The following ZNF737 variants were observed in gnomAD, a reference collection of about 807,000 sequenced individuals.
ZNF737 encodes zinc finger protein 102 (Y3).
In ZNF737, 13 loss-of-function variants were observed where a neutral mutation model predicts 11.7. That is an observed-to-expected ratio of 1.11 (90% CI 0.73 to 1.77). The LOEUF is 1.77. Among genes scored for constraint, ZNF737 ranks in the 40% most tolerant of loss-of-function variants. ZNF737 has a pLI of 0.00. For synonymous variants in ZNF737, 217 were observed against 216.2 expected, an observed-to-expected ratio of 1.00 and a Z score of -0.03; for missense variants, 636 against 638.0, an observed-to-expected ratio of 1.00 and a Z score of 0.03.
chr19:20,565,037 C>T (rs1969244421), intron 1 of ZNF737, among the ~76,000 whole-genome samples: 1 of 150,592 alleles, frequency 6.6e-6, no homozygotes, highest in Admixed American at 6.6e-5. Context: ...GGAGTTCAAG[C>T]GATTCTCTCA....
intron 1 of ZNF737, among the ~76,000 whole-genome samples, chr19:20,557,008 T>C (rs1476994487): frequency 6.6e-6 from 1 of 152,184 alleles, no homozygotes; most frequent in African/African-American, 2.4e-5. Context: ...TTTAAAATTG[T>C]ACAGAATAAA....
intron 1 of ZNF737, among the ~76,000 whole-genome samples, chr19:20,554,507 G>T (rs1433165937): frequency 2.6e-5 from 4 of 152,122 alleles, no homozygotes; most frequent in Non-Finnish European, 4.4e-5. Context: ...TAATAATGAA[G>T]AGAAAAATAA....
chr19:20,541,271 A>C lies in ZNF737; in HGVS notation c.*3321T>G, dbSNP rs1256722384. 6.1e-6 allele frequency: 6 copies of C among 984,330 alleles called. No individual in the cohort carries two copies. In the African/African-American group the frequency reaches 1.0e-4, roughly 17 times the overall value. 61.0% of individuals were successfully genotyped at this position (984,330 alleles called of 1,614,324 possible). A position where few individuals can be genotyped will look rare whatever the true frequency, so the allele number is the denominator to read the frequency against. On this transcript the variant is annotated 3_prime_UTR_variant, in exon 4 of 4. Coordinates refer to ENST00000427401, the MANE Select transcript of ZNF737 (RefSeq NM_001159293.2). ...TACAAACCTATACTCACACAAAAAC[A>C]CTCAATTCATAATTTTCTTACACCT... is the stretch of plus-strand genomic sequence containing the variant.
Position 20,539,865 on chromosome 19 carries a change from G to T in ZNF737, c.*4727C>A, listed in dbSNP as rs201169578. On this transcript the variant is annotated 3_prime_UTR_variant, in exon 4 of 4. Transcript: ENST00000427401. ...ATTGAATTAGAATGAGTTCAGCCTT[G>T]TTGGTAGACTATTGGTATCCCAGAG... is the stretch of plus-strand genomic sequence containing the variant. 3.1e-6 allele frequency: 3 copies of T among 977,962 alleles called. No individual in the cohort carries two copies. The highest frequency in any genetic ancestry group is 3.7e-5 in the African/African-American group (2 of 54,372). The allele number at this position is 977,962 out of a possible 1,614,324, so 60.6% of individuals were successfully genotyped here. A position where few individuals can be genotyped will look rare whatever the true frequency, so the allele number is the denominator to read the frequency against.
chr19:20,545,416 C>G lies in ZNF737; in HGVS notation c.787G>C (p.Gly263Arg). ...TTAGAGGAGCGCTTAAAGGCCTTGC[C>G]ACATTCTTCACATTTGTAGGGTTTC... is the stretch of plus-strand genomic sequence containing the variant. ...GEKPYKCEEC[G>R]KAFKRSSNLT... Residue 263 changes from glycine to arginine, a missense_variant, in exon 4 of 4, where the codon GGC (glycine) becomes CGC (arginine). By Grantham distance (125) the Gly-to-Arg change is moderately radical. Coordinates refer to ENST00000427401, the MANE Select transcript of ZNF737 (RefSeq NM_001159293.2). 1 of 1,613,902 alleles carries G rather than the reference C, an allele frequency of 6.2e-7. No homozygotes were observed. Among genetic ancestry groups the G allele is most frequent in the Non-Finnish European group, 8.5e-7 (1 of 1,179,948 alleles).
Position 20,543,002 on chromosome 19 carries a change from T to C in ZNF737, c.*1590A>G, listed in dbSNP as rs141146794. On this transcript the variant is annotated 3_prime_UTR_variant, in exon 4 of 4. Coordinates refer to ENST00000427401, the MANE Select transcript of ZNF737 (RefSeq NM_001159293.2). ...AAATAGAAATCATTTACCTAAAAAC[T>C]GCAGTTGTGGATTAGTTTTTATATT... The C allele has an allele frequency of 3.4e-3, 3,301 of 985,224 alleles. 10 individuals are homozygous for C. The highest frequency in any genetic ancestry group is 3.8e-3 in the Non-Finnish European group (3,183 of 829,746). The allele number at this position is 985,224 out of a possible 1,614,324, so 61.0% of individuals were successfully genotyped here.
At position 20,542,622 on chromosome 19, in the gene ZNF737, TTC is replaced by T. The variant is rs1363939549; in HGVS notation, c.*1968_*1969del. On this transcript the variant is annotated 3_prime_UTR_variant, in exon 4 of 4. Transcript: ENST00000427401. ...TTTATTTTAATATACTTTTAATTAT[TTC>T]TTTGTGTCACTATAATAAAGTATTG... 3 of 973,762 alleles carry T rather than the reference TTC, an allele frequency of 3.1e-6. No individual in the cohort carries two copies. The African/African-American group carries it at 5.3e-5, about 17-fold the overall frequency. 60.3% of individuals were successfully genotyped at this position (973,762 alleles called of 1,614,324 possible).
intron 2 of ZNF737, 25 bp downstream of exon 2, chr19:20,553,684 A>C (rs1555759433): frequency 4.4e-6 from 7 of 1,604,802 alleles, no homozygotes; most frequent in Non-Finnish European, 6.0e-6. Flanking sequence ...GTATATTATG[A>C]ATTATGTATT....
chr19:20,551,765 A>G (rs1968681307), intron 3 of ZNF737, among the ~76,000 whole-genome samples: 1 of 151,978 alleles, frequency 6.6e-6, no homozygotes, highest in African/African-American at 2.4e-5. Context: ...TGAAAAAATT[A>G]GAAGATCCAA....
chr19:20,548,973 A>AAAC (rs1555757665), intron 3 of ZNF737, among the ~76,000 whole-genome samples: 5 of 119,894 alleles, frequency 4.2e-5, no homozygotes, highest in African/African-American at 1.6e-4. Context: ...AAAAAAAAAA[A>AAAC]AAAAAAACAA....
At chr19:20,557,190 G>C (rs2562620) in intron 1 of ZNF737, among the ~76,000 whole-genome samples, 36,102 of 151,928 alleles carry the variant, frequency 0.24, 4,368 homozygotes, top group South Asian at 0.33. Context: ...TTTAATAGAA[G>C]ATTAAAAAAC....
downstream of ZNF737, among the ~76,000 whole-genome samples, chr19:20,533,471 CAT>C (rs1192455200): frequency 6.7e-6 from 1 of 149,632 alleles, no homozygotes; most frequent in East Asian, 2.0e-4. Flanking sequence ...TAAACACAAA[CAT>C]ATGAATGTGT....
intron 1 of ZNF737, among the ~76,000 whole-genome samples, chr19:20,554,903 C>T (rs1348564031): frequency 2.7e-5 from 4 of 150,916 alleles, no homozygotes; most frequent in Non-Finnish European, 2.9e-5. Flanking sequence ...ACTCTTGTCC[C>T]CCAGGCTGGA....
chr19:20,543,683 C>G lies in ZNF737; in HGVS notation c.*909G>C. On this transcript the variant is annotated 3_prime_UTR_variant, in exon 4 of 4. Transcript: ENST00000427401. ...ATCAAGAGTGGCAACCATATAAAGG[C>G]TTTGTCACATTTTATATATTTCTAG... The G allele has an allele frequency of 1.0e-6, 1 of 985,326 alleles. No individual in the cohort carries two copies. Among genetic ancestry groups the G allele is most frequent in the Non-Finnish European group, 1.2e-6 (1 of 829,886 alleles). The allele number at this position is 985,326 out of a possible 1,614,324, so 61.0% of individuals were successfully genotyped here.
chr19:20,536,163 TA>T (rs569735196), downstream of ZNF737: 989 of 901,760 alleles, frequency 1.1e-3, 1 homozygote, highest in Admixed American at 2.2e-3. Flanking sequence ...GAAAAAAAAT[TA>T]GCATATGCAT....
In ZNF737 at chr19:20,540,329, AATTTC is replaced by A. The variant is rs1342857569; in HGVS notation, c.*4258_*4262del. ...CACAAAGTCTACGGATGAGTAACCT[AATTTC>A]ATAAGTGATTTCCCACCACAGTCAC... On this transcript the variant is annotated 3_prime_UTR_variant, in exon 4 of 4. Transcript: ENST00000427401. Among the ~76,000 whole-genome samples the A allele has an allele frequency of 6.6e-6, 1 of 152,184 alleles. No individual in the cohort carries two copies. The highest frequency in any genetic ancestry group is 1.5e-5 in the Non-Finnish European group (1 of 68,040).
At chr19:20,551,443 A>G (rs1213121748) in intron 3 of ZNF737, among the ~76,000 whole-genome samples, 17 of 150,718 alleles carry the variant, frequency 1.1e-4, no homozygotes, top group South Asian at 2.1e-4. Context: ...AAAAAAAAAA[A>G]AAAAAAAGAA....
Position 20,543,127 on chromosome 19 carries a change from T to A in ZNF737, c.*1465A>T, listed in dbSNP as rs868981242. On this transcript the variant is annotated 3_prime_UTR_variant, in exon 4 of 4. Coordinates refer to ENST00000427401, the MANE Select transcript of ZNF737 (RefSeq NM_001159293.2). Reference sequence around the variant, plus strand: ...TATACAATCTATTTTGAATTAAATATTTTTTAATATTTACTGCATCTGCAA... The same window carrying A: ...TATACAATCTATTTTGAATTAAATAATTTTTAATATTTACTGCATCTGCAA... 4 of 953,206 alleles carry A rather than the reference T, an allele frequency of 4.2e-6. No homozygotes were observed. In the South Asian group the frequency reaches 1.5e-4, roughly 35 times the overall value. 59.0% of individuals were successfully genotyped at this position (953,206 alleles called of 1,614,324 possible).
Position 20,539,949 on chromosome 19 carries a change from C to T in ZNF737, c.*4643G>A. 1.0e-6 allele frequency: 1 copy of T among 985,080 alleles called. No individual in the cohort carries two copies. The highest frequency in any genetic ancestry group is 1.2e-6 in the Non-Finnish European group (1 of 829,866). The allele number at this position is 985,080 out of a possible 1,614,324, so 61.0% of individuals were successfully genotyped here. ...TCCATAATGCCAGTGAGCACTTTTA[C>T]CCAGGTTACCTTTTTCCTCCCATTA... On this transcript the variant is annotated 3_prime_UTR_variant, in exon 4 of 4. Coordinates refer to ENST00000427401, the MANE Select transcript of ZNF737 (RefSeq NM_001159293.2).
Sources: allele counts gnomAD v4.1 joint callset (sites outside exome capture counted in the v4.1 genomes callset), GRCh38; gene constraint gnomAD v4.1.1; transcripts MANE v1.5; gene names NCBI Gene and HGNC (gene_info 2026-07-23, HGNC 2026-07-21).